CDH13: variants seen among roughly 807,000 people sequenced by gnomAD.
CDH13 encodes cadherin-13.
In CDH13, 24 loss-of-function variants were observed where a neutral mutation model predicts 63.8. The observed-to-expected ratio is 0.38, with a 90% confidence interval of 0.27 to 0.53. The LOEUF (loss-of-function observed/expected upper bound fraction) is 0.53, where lower values mean the gene tolerates loss of function less well. CDH13 is among the 20% of genes least tolerant of loss of function. CDH13 has a pLI of 0.85. For missense variants in CDH13, 1,049 were observed against 903.1 expected (o/e 1.16, Z -2.07); for synonymous variants, 503 against 355.3 (o/e 1.42, Z -4.67).
intron 2 of CDH13, among the ~76,000 whole-genome samples, chr16:82,971,744 TAAA>T (rs1179841723): frequency 6.6e-6 from 1 of 152,200 alleles, no homozygotes; most frequent in Admixed American, 6.5e-5. Flanking sequence ...GAATTAAATG[TAAA>T]AAAACACAAA....
Position 82,632,905 on chromosome 16 carries a change from T to A in CDH13, c.45+5768T>A, listed in dbSNP as rs888929166. Among the ~76,000 whole-genome samples, 15 of 151,980 alleles carry A rather than the reference T, an allele frequency of 9.9e-5. 3 individuals are homozygous for A. The highest frequency in any genetic ancestry group is 9.8e-4 in the Admixed American group (15 of 15,272). On this transcript the variant is annotated intron_variant, in intron 1 of 13. Transcript: ENST00000567109. Reference sequence around the variant, plus strand: ...GGAGACACTGACAGATCATCAGGCATTAGACTCTCATAAGGAGAAGGCGAC... The same window carrying A: ...GGAGACACTGACAGATCATCAGGCAATAGACTCTCATAAGGAGAAGGCGAC...
intron 1 of CDH13, among the ~76,000 whole-genome samples, chr16:82,667,028 C>A (rs1912668931): frequency 6.6e-6 from 1 of 152,188 alleles, no homozygotes; most frequent in African/African-American, 2.4e-5. Context: ...AACTCGGAGC[C>A]TTCTGATGTT....
At chr16:83,462,729 C>G (rs1023063921) in intron 6 of CDH13, among the ~76,000 whole-genome samples, 1 of 152,194 alleles carries the variant, frequency 6.6e-6, no homozygotes, top group Non-Finnish European at 1.5e-5. Flanking sequence ...GCACTCCAGC[C>G]TGGGTGACAG....
chr16:83,293,554 G>T (rs1180921982), intron 5 of CDH13, among the ~76,000 whole-genome samples: 2 of 152,086 alleles, frequency 1.3e-5, no homozygotes, highest in Non-Finnish European at 2.9e-5. Flanking sequence ...TTGATTTGGT[G>T]TCTATATTCA....
chr16:83,163,472 A>G (rs1047179888), intron 4 of CDH13, among the ~76,000 whole-genome samples: 1 of 152,122 alleles, frequency 6.6e-6, no homozygotes, highest in Non-Finnish European at 1.5e-5. Context: ...TCCAGGCCAG[A>G]CGCTCATCAC....
At chr16:83,392,699 G>T (rs2091811639) in intron 6 of CDH13, among the ~76,000 whole-genome samples, 1 of 152,220 alleles carries the variant, frequency 6.6e-6, no homozygotes, top group African/African-American at 2.4e-5. Context: ...AAGACGCTGG[G>T]AGTACAGTCA....
chr16:83,125,153 T>A (rs2035753861), intron 3 of CDH13, among the ~76,000 whole-genome samples: 1 of 152,228 alleles, frequency 6.6e-6, no homozygotes, highest in African/African-American at 2.4e-5. Context: ...GTGAATAGAA[T>A]GATTTGGAAG....
chr16:83,129,345 G>GTT (rs944692983), intron 4 of CDH13, among the ~76,000 whole-genome samples: 1 of 152,186 alleles, frequency 6.6e-6, no homozygotes, highest in African/African-American at 2.4e-5. Context: ...GTATAAAGAC[G>GTT]TTTGTCTTTG....
chr16:82,632,587 A>C (rs975321739), intron 1 of CDH13, among the ~76,000 whole-genome samples: 2 of 152,076 alleles, frequency 1.3e-5, no homozygotes, highest in Non-Finnish European at 2.9e-5. Flanking sequence ...ACCAGCAGCC[A>C]AGGGACTCTG....
At chr16:82,933,203 T>G (rs1322984127) in intron 2 of CDH13, among the ~76,000 whole-genome samples, 2 of 152,096 alleles carry the variant, frequency 1.3e-5, no homozygotes, top group Non-Finnish European at 2.9e-5. Context: ...TTTTAATTGA[T>G]TCATGGTTTT....
chr16:82,987,715 C>T (rs1911126283), intron 2 of CDH13, among the ~76,000 whole-genome samples: 1 of 152,150 alleles, frequency 6.6e-6, no homozygotes, highest in East Asian at 1.9e-4. Flanking sequence ...TTTTAAGTTG[C>T]TGGTCACTGG....
chr16:83,207,697 G>C (rs1445448452), intron 4 of CDH13, among the ~76,000 whole-genome samples: 2 of 147,206 alleles, frequency 1.4e-5, no homozygotes, highest in Non-Finnish European at 3.0e-5. Context: ...AGCCACATTA[G>C]TATATAATTA....
intron 8 of CDH13, among the ~76,000 whole-genome samples, chr16:83,620,443 C>T (rs1268910145): frequency 1.3e-5 from 2 of 151,926 alleles, no homozygotes; most frequent in African/African-American, 4.8e-5. Context: ...GACTCAGAGC[C>T]CCCATGCTGC....
At chr16:83,711,380 G>C (rs954296533) in intron 10 of CDH13, among the ~76,000 whole-genome samples, 1 of 152,188 alleles carries the variant, frequency 6.6e-6, no homozygotes, top group African/African-American at 2.4e-5. Flanking sequence ...GTTTATCTTG[G>C]CATCTTGGGG....
chr16:82,639,227 T>C, intron 1 of CDH13: 1 of 505,976 alleles, frequency 2.0e-6, no homozygotes, highest in Non-Finnish European at 3.4e-6. Flanking sequence ...ATGACTACTT[T>C]TTTGAGTTCC....
intron 7 of CDH13, among the ~76,000 whole-genome samples, chr16:83,497,912 G>A (rs928822077): frequency 6.6e-6 from 1 of 152,120 alleles, no homozygotes; most frequent in African/African-American, 2.4e-5. Flanking sequence ...TGATTATAGG[G>A]ACAGAAACTA....
At chr16:82,941,920 C>G (rs958743660) in intron 2 of CDH13, among the ~76,000 whole-genome samples, 1 of 152,194 alleles carries the variant, frequency 6.6e-6, no homozygotes, top group African/African-American at 2.4e-5. Flanking sequence ...AGTGGTAATT[C>G]AAGGAGTTCT....
At chr16:82,816,761 A>G (rs1388238262) in intron 1 of CDH13, among the ~76,000 whole-genome samples, 1 of 136,342 alleles carries the variant, frequency 7.3e-6, no homozygotes, top group Admixed American at 8.2e-5. Context: ...ATGTTTTATC[A>G]TCACCGTCGT....
intron 7 of CDH13, among the ~76,000 whole-genome samples, chr16:83,490,440 T>C (rs1273538701): frequency 6.6e-6 from 1 of 152,164 alleles, no homozygotes; most frequent in East Asian, 1.9e-4. Context: ...ACTTTGGTTG[T>C]TATCCTTTCT....
Sources: allele counts gnomAD v4.1 joint callset (sites outside exome capture counted in the v4.1 genomes callset), GRCh38; gene constraint gnomAD v4.1.1; transcripts MANE v1.5; gene names NCBI Gene and HGNC (gene_info 2026-07-23, HGNC 2026-07-21).